Variants in GALNT13 observed in about 807,000 individuals in gnomAD.
The protein encoded by GALNT13 is UDP-GalNAc:polypeptide N-acetylgalactosaminyltransferase 13.
GALNT13 carries 28 observed loss-of-function variants against 64.2 expected under a neutral mutation model. The observed-to-expected ratio is 0.44, with a 90% CI of 0.32 to 0.60. GALNT13 has a LOEUF of 0.60. Among genes scored for constraint, GALNT13 ranks in the 20% least tolerant of loss-of-function variants. GALNT13 has a pLI of 0.05. For missense variants in GALNT13, 577 were observed against 669.8 expected (o/e 0.86, Z 1.53); for synonymous variants, 214 against 224.6 (o/e 0.95, Z 0.42).
chr2:153,470,197 T>G, the GALNT13 span, among the ~76,000 whole-genome samples: 1 of 152,218 alleles, frequency 6.6e-6, no homozygotes, highest in African/African-American at 2.4e-5. Context: ...AGGTGACCAT[T>G]GTTATAGGTC....
At chr2:153,484,254 T>G in the GALNT13 span, among the ~76,000 whole-genome samples, 5 of 152,270 alleles carry the variant, frequency 3.3e-5, no homozygotes, top group East Asian at 9.6e-4. Context: ...ATTTTATACC[T>G]TGCTTTTCCT....
At chr2:153,323,186 C>T in the GALNT13 span, among the ~76,000 whole-genome samples, 2 of 152,164 alleles carry the variant, frequency 1.3e-5, no homozygotes, top group East Asian at 1.9e-4. Context: ...TAATGATTGC[C>T]ACTCTAACTG....
chr2:153,716,461 G>T, the GALNT13 span, among the ~76,000 whole-genome samples: 2 of 151,970 alleles, frequency 1.3e-5, no homozygotes, highest in African/African-American at 4.8e-5. Context: ...CCAAAGATTG[G>T]ACACCCCTGA....
rs76501054 is a variant in GALNT13 at position 153,975,489 on chromosome 2, G to A, written c.142+30850G>A. Among the ~76,000 whole-genome samples the A allele has an allele frequency of 6.3e-4, 96 of 152,072 alleles. No homozygotes were observed. In the East Asian group the frequency reaches 0.018, roughly 28 times the overall value. On this transcript the variant is annotated intron_variant, in intron 3 of 12. Coordinates refer to ENST00000392825, the MANE Select transcript of GALNT13 (RefSeq NM_052917.4). ...TTCTTTTCATTTGCCCAAATTGCAAGTTATGTTCATATCAGTCCCTTTGCA... is the reference window on the plus strand; with the variant it reads ...TTCTTTTCATTTGCCCAAATTGCAAATTATGTTCATATCAGTCCCTTTGCA...
intron 4 of GALNT13, among the ~76,000 whole-genome samples, chr2:154,221,463 T>C (rs1190000255): frequency 6.6e-6 from 1 of 152,108 alleles, no homozygotes; most frequent in Non-Finnish European, 1.5e-5. Flanking sequence ...CTTTTGACTG[T>C]TGGCTTGAGG....
chr2:153,106,220 C>A, the GALNT13 span, among the ~76,000 whole-genome samples: 1 of 152,170 alleles, frequency 6.6e-6, no homozygotes, highest in Admixed American at 6.6e-5. Context: ...AAGTTCATGG[C>A]AAAATGTATT....
At chr2:153,138,695 G>A in the GALNT13 span, among the ~76,000 whole-genome samples, 1 of 152,016 alleles carries the variant, frequency 6.6e-6, no homozygotes, top group African/African-American at 2.4e-5. Context: ...GTTGTATTTT[G>A]AATTAAGTAC....
At chr2:154,399,745 T>C (rs1341360423) in intron 10 of GALNT13, among the ~76,000 whole-genome samples, 2 of 152,180 alleles carry the variant, frequency 1.3e-5, no homozygotes, top group Non-Finnish European at 2.9e-5. Context: ...AACCTTTTGT[T>C]ATATGTTGAA....
At chr2:153,447,984 C>T in the GALNT13 span, among the ~76,000 whole-genome samples, 1 of 152,076 alleles carries the variant, frequency 6.6e-6, no homozygotes. Context: ...ATATGCATTT[C>T]CTCTTTTGCT....
chr2:154,190,066 T>A (rs1368480133), intron 4 of GALNT13, among the ~76,000 whole-genome samples: 1 of 152,198 alleles, frequency 6.6e-6, no homozygotes, highest in Non-Finnish European at 1.5e-5. Flanking sequence ...TTCGTTATCT[T>A]GTTCTCAATG....
chr2:153,388,376 A>G, the GALNT13 span, among the ~76,000 whole-genome samples: 2 of 152,088 alleles, frequency 1.3e-5, no homozygotes, highest in African/African-American at 2.4e-5. Flanking sequence ...AGAGTTAGAC[A>G]TTCCTCAGGC....
chr2:153,335,573 G>A, the GALNT13 span, among the ~76,000 whole-genome samples: 4 of 152,196 alleles, frequency 2.6e-5, no homozygotes, highest in African/African-American at 9.6e-5. Flanking sequence ...ATATCTGGTG[G>A]AAGAAATTTC....
At chr2:153,851,545 A>G in the GALNT13 span, among the ~76,000 whole-genome samples, 1 of 151,918 alleles carries the variant, frequency 6.6e-6, no homozygotes, top group East Asian at 1.9e-4. Flanking sequence ...TTCCAAGAAA[A>G]AAAAAAAAAA....
chr2:153,150,444 G>A, the GALNT13 span, among the ~76,000 whole-genome samples: 18 of 152,156 alleles, frequency 1.2e-4, no homozygotes, highest in African/African-American at 4.1e-4. Context: ...TCTGATGGTA[G>A]TTTCTTTTGC....
At chr2:153,695,009 G>C in the GALNT13 span, among the ~76,000 whole-genome samples, 14 of 152,220 alleles carry the variant, frequency 9.2e-5, no homozygotes, top group African/African-American at 3.4e-4. Context: ...AATCAGCAAA[G>C]CGGAACAGGT....
At chr2:154,432,112 A>T (rs1007285452) in intron 11 of GALNT13, among the ~76,000 whole-genome samples, 1 of 152,238 alleles carries the variant, frequency 6.6e-6, no homozygotes, top group Non-Finnish European at 1.5e-5. Context: ...TACAATATAA[A>T]TTCAGAAGCA....
At chr2:153,863,962 G>A in the GALNT13 span, among the ~76,000 whole-genome samples, 2 of 152,120 alleles carry the variant, frequency 1.3e-5, no homozygotes, top group Admixed American at 1.3e-4. Flanking sequence ...CTTTTGATTT[G>A]CAGAAGTACA....
chr2:153,965,978 G>C (rs1693306586), intron 3 of GALNT13, among the ~76,000 whole-genome samples: 1 of 152,012 alleles, frequency 6.6e-6, no homozygotes, highest in African/African-American at 2.4e-5. Context: ...GTGACAGTCT[G>C]AAGTTACAGT....
At chr2:154,255,615 A>G (rs1027650354) in intron 7 of GALNT13, among the ~76,000 whole-genome samples, 1 of 152,098 alleles carries the variant, frequency 6.6e-6, no homozygotes, top group African/African-American at 2.4e-5. Context: ...TTATGAGACA[A>G]GAGGAGAGAG....
Sources: gnomAD v4.1 joint callset for allele counts (sites outside exome capture counted in the v4.1 genomes callset) on GRCh38, gnomAD v4.1.1 for gene constraint, MANE v1.5 for transcripts, NCBI Gene and HGNC (gene_info 2026-07-23, HGNC 2026-07-21) for gene names.